CLPB: variants seen among roughly 807,000 people sequenced by gnomAD.
CLPB encodes the protein mitochondrial disaggregase.
A neutral mutation model predicts 78.4 loss-of-function variants in CLPB; 40 were observed. The observed-to-expected ratio is 0.51, with a 90% CI of 0.40 to 0.66. CLPB has a LOEUF of 0.66. CLPB is among the 30% of genes least tolerant of loss of function. CLPB has a pLI of 0.00. For synonymous variants in CLPB, 333 were observed against 348.0 expected (o/e 0.96, Z 0.48); for missense variants, 780 against 886.9 (o/e 0.88, Z 1.53).
chr11:72,340,858 T>C (rs187020876), intron 5 of CLPB, among the ~76,000 whole-genome samples: 1 of 152,212 alleles, frequency 6.6e-6, no homozygotes, highest in Non-Finnish European at 1.5e-5. Flanking sequence ...GAGTTATTAT[T>C]ATTATTTTTT....
At chr11:72,411,737 T>G (rs567357199) in intron 2 of CLPB, 2 of 152,348 alleles carry the variant, frequency 1.3e-5, no homozygotes, top group Non-Finnish European at 2.9e-5. Flanking sequence ...TTTTTCTTCC[T>G]CTTTCTTTAG....
intron 4 of CLPB, among the ~76,000 whole-genome samples, chr11:72,371,487 C>T (rs1298298857): frequency 6.6e-6 from 1 of 151,400 alleles, no homozygotes; most frequent in African/African-American, 2.4e-5. Context: ...TGAGATCATG[C>T]CACTCACTGG....
At chr11:72,320,727 T>A (rs975654768) in intron 6 of CLPB, among the ~76,000 whole-genome samples, 16 of 152,192 alleles carry the variant, frequency 1.1e-4, no homozygotes, top group Admixed American at 5.2e-4. Flanking sequence ...ATATATATAT[T>A]TTTTGAGACA....
At position 72,301,923 on chromosome 11, in the gene CLPB, A is replaced by G; in HGVS notation, c.1209T>C (p.His403=). 1.2e-6 allele frequency: 2 copies of G among 1,614,100 alleles called. No individual in the cohort carries two copies. Among genetic ancestry groups the G allele is most frequent in the Non-Finnish European group, 1.7e-6 (2 of 1,179,984 alleles). ...FIGSPPGYVG[H]EEGGQLTKKL... ...TCTTGGTCAGCTGGCCACCCTCCTC[A>G]TGGCCAACGTAGCCTGGTGGAGACC... The change falls in exon 11 of 16, where the codon CAT becomes CAC. Residue 403 remains histidine (H), a synonymous_variant. Transcript: ENST00000538039.
chr11:72,362,703 A>G (rs61569836), intron 4 of CLPB, among the ~76,000 whole-genome samples: 3,953 of 152,306 alleles, frequency 0.026, 168 homozygotes, highest in African/African-American at 0.091. Context: ...ATGAGACACT[A>G]TGAATAAAGG....
intron 2 of CLPB, among the ~76,000 whole-genome samples, chr11:72,420,002 G>A (rs912351680): frequency 6.6e-6 from 1 of 152,150 alleles, no homozygotes; most frequent in Non-Finnish European, 1.5e-5. Flanking sequence ...CTGTCTACAG[G>A]TTTATTATGA....
At chr11:72,333,035 C>T (rs1428595131) in intron 5 of CLPB, 2 of 152,124 alleles carry the variant, frequency 1.3e-5, no homozygotes, top group East Asian at 3.9e-4. Flanking sequence ...GCACTGTGCT[C>T]GGTACTTTCT....
chr11:72,302,292 G>A lies in CLPB; in HGVS notation c.1167+12C>T. The A allele has an allele frequency of 6.2e-7, 1 of 1,613,852 alleles. No individual in the cohort carries two copies. Among genetic ancestry groups the A allele is most frequent in the South Asian group, 1.1e-5 (1 of 91,076 alleles). ...CCAAACCATGCTTCAATCAAGGACT[G>A]TCATCACTCACCTCGTGTCGCTCCT... On this transcript the variant is annotated intron_variant, in intron 10 of 15. Transcript: ENST00000538039.
chr11:72,417,238 G>T (rs1046911908), intron 2 of CLPB, among the ~76,000 whole-genome samples: 1 of 152,132 alleles, frequency 6.6e-6, no homozygotes, highest in Non-Finnish European at 1.5e-5. Context: ...ATCCATACAG[G>T]GAATATTATT....
chr11:72,311,405 A>T (rs1357086191), intron 7 of CLPB, among the ~76,000 whole-genome samples: 1 of 152,244 alleles, frequency 6.6e-6, no homozygotes, highest in Non-Finnish European at 1.5e-5. Context: ...TTCTGTAGAC[A>T]TAATTTCATT....
intron 11 of CLPB, among the ~76,000 whole-genome samples, chr11:72,298,113 G>C (rs1001261383): frequency 1.2e-4 from 18 of 152,158 alleles, no homozygotes; most frequent in African/African-American, 4.3e-4. Context: ...TGGGAGGAGT[G>C]GGGGCTGGGC....
intron 2 of CLPB, chr11:72,410,831 G>A (rs1362255986): frequency 6.6e-6 from 1 of 152,232 alleles, no homozygotes; most frequent in Non-Finnish European, 1.5e-5. Context: ...TATTACCACT[G>A]ATTGGGGAAG....
At chr11:72,404,011 A>G (rs1156507685) in intron 2 of CLPB, among the ~76,000 whole-genome samples, 1 of 152,176 alleles carries the variant, frequency 6.6e-6, no homozygotes, top group Non-Finnish European at 1.5e-5. Flanking sequence ...TAACAGGCTC[A>G]CTGAGGTGAA....
At chr11:72,366,641 CAT>C (rs1173873451) in intron 4 of CLPB, among the ~76,000 whole-genome samples, 1 of 152,138 alleles carries the variant, frequency 6.6e-6, no homozygotes, top group Non-Finnish European at 1.5e-5. Context: ...AACCAACAAA[CAT>C]ATGAAAAAAT....
At chr11:72,402,398 A>G (rs914268366) in intron 3 of CLPB, among the ~76,000 whole-genome samples, 1 of 152,234 alleles carries the variant, frequency 6.6e-6, no homozygotes, top group African/African-American at 2.4e-5. Flanking sequence ...CATAATATAT[A>G]TTTTGTGGAG....
intron 11 of CLPB, among the ~76,000 whole-genome samples, chr11:72,297,865 G>T (rs1247772709): frequency 6.6e-6 from 1 of 152,136 alleles, no homozygotes; most frequent in Non-Finnish European, 1.5e-5. Flanking sequence ...CTGGGCCTGA[G>T]GATGGGTCCC....
At chr11:72,350,350 C>T (rs1412412070) in intron 5 of CLPB, among the ~76,000 whole-genome samples, 1 of 152,164 alleles carries the variant, frequency 6.6e-6, no homozygotes, top group Non-Finnish European at 1.5e-5. Context: ...AGGCTAACAT[C>T]CACATTTTGA....
chr11:72,339,590 AT>A lies in CLPB; in HGVS notation c.776-9787del, dbSNP rs1332929444. 1.4e-4 allele frequency among the ~76,000 whole-genome samples: 21 copies of A among 152,220 alleles called. No individual in the cohort carries two copies. In the East Asian group the frequency reaches 3.7e-3, roughly 27 times the overall value. Reference sequence around the variant, plus strand: ...TTCCTACTTATATACTGGTTTACAGATTTTTTTTCAAGATTAATTGTTATCC... The same window carrying A: ...TTCCTACTTATATACTGGTTTACAGATTTTTTTCAAGATTAATTGTTATCC... On this transcript the variant is annotated intron_variant, in intron 5 of 15. Transcript: ENST00000538039.
intron 3 of CLPB, among the ~76,000 whole-genome samples, chr11:72,386,119 C>T (rs1855068320): frequency 6.6e-6 from 1 of 152,104 alleles, no homozygotes; most frequent in African/African-American, 2.4e-5. Context: ...ACTGCTGTGC[C>T]TTCCTTTACC....
Sources: allele counts gnomAD v4.1 joint callset (sites outside exome capture counted in the v4.1 genomes callset), GRCh38; gene constraint gnomAD v4.1.1; transcripts MANE v1.5; gene names NCBI Gene and HGNC (gene_info 2026-07-23, HGNC 2026-07-21).